NUTM1: variants seen among roughly 807,000 people sequenced by gnomAD.
The protein encoded by NUTM1 is NUT family member 1.
Under a neutral mutation model 88.7 loss-of-function variants are expected in NUTM1, and 39 were observed. The ratio of observed to expected loss-of-function variants is 0.44; its 90% CI spans 0.34 to 0.57. The LOEUF is 0.57. Among genes scored for constraint, NUTM1 ranks in the 20% least tolerant of loss-of-function variants. The probability of loss-of-function intolerance (pLI) is 0.01; values close to 1 mark genes in which losing one functional copy is unlikely to be tolerated. For missense variants in NUTM1, 1,350 were observed against 1,414.5 expected (o/e 0.95, Z 0.73); for synonymous variants, 494 against 538.0 (o/e 0.92, Z 1.13).
At position 34,348,095 on chromosome 15, in the gene NUTM1, A is replaced by C; in HGVS notation, c.227A>C (p.Gln76Pro). 1.2e-6 allele frequency: 2 copies of C among 1,614,064 alleles called. No individual in the cohort carries two copies. Among genetic ancestry groups the C allele is most frequent in the South Asian group, 2.2e-5 (2 of 91,072 alleles). The change falls in exon 3 of 8, where the codon CAG becomes CCG. Residue 76 changes from glutamine (Q) to proline (P), a missense_variant. Coordinates refer to ENST00000537011, the MANE Select transcript of NUTM1 (RefSeq NM_001284292.2). ...PDHPPREPPP[Q>P]PIMPSVFSPD... ...CACCCACCCAGGGAGCCACCTCCAC[A>C]GCCCATCATGCCTTCAGTATTCTCT...
chr15:34,354,005 C>A, intron 5 of NUTM1, 133 bp downstream of exon 5: 1 of 973,572 alleles, frequency 1.0e-6, no homozygotes. Context: ...ATTTGATATT[C>A]CAAACAGACC....
rs113369665 is a variant in NUTM1, at chr15:34,345,400, G to C, written c.7-542G>C. On this transcript the variant is annotated intron_variant, in intron 1 of 7. Coordinates refer to ENST00000537011, the MANE Select transcript of NUTM1 (RefSeq NM_001284292.2). ...AGTACAGAGCCTATGTTAGTAGATT[G>C]GACAGCTTTCCAAGGAAATGATGTG... 2.4e-3 allele frequency among the ~76,000 whole-genome samples: 369 copies of C among 152,308 alleles called. 1 individual carries two copies. Among genetic ancestry groups the C allele is most frequent in the African/African-American group, 8.3e-3 (343 of 41,558 alleles).
chr15:34,354,961 C>A, intron 6 of NUTM1, 60 bp from the exon 7 acceptor site: 1 of 1,310,338 alleles, frequency 7.6e-7, no homozygotes, highest in Non-Finnish European at 1.1e-6. Flanking sequence ...TTCTGTAAAG[C>A]CCCTTGTTTC....
Position 34,347,790 on chromosome 15 carries a change from T to C in NUTM1, c.101-179T>C, listed in dbSNP as rs113760575. On this transcript the variant is annotated intron_variant, in intron 2 of 7. Coordinates refer to ENST00000537011, the MANE Select transcript of NUTM1 (RefSeq NM_001284292.2). ...ATGGCATGAACCTAGGAGGCGGAGA[T>C]TGCAGTGAGCCGAGATTGTGCCACT... is the stretch of plus-strand genomic sequence containing the variant. Among the ~76,000 whole-genome samples the C allele has an allele frequency of 8.0e-3, 1,222 of 151,942 alleles. 19 individuals carry two copies. The highest frequency in any genetic ancestry group is 0.028 in the African/African-American group (1,152 of 41,406).
chr15:34,349,452 G>C (rs1276522291), intron 3 of NUTM1, among the ~76,000 whole-genome samples: 1 of 152,162 alleles, frequency 6.6e-6, no homozygotes. Context: ...CCATCTAGAA[G>C]AGGAAAAGAA....
chr15:34,350,186 G>A (rs1890680238), intron 3 of NUTM1, among the ~76,000 whole-genome samples: 1 of 152,180 alleles, frequency 6.6e-6, no homozygotes, highest in Non-Finnish European at 1.5e-5. Flanking sequence ...TCTAGAAGTG[G>A]GGGTCTAGTA....
Position 34,357,399 on chromosome 15 carries a change from G to A in NUTM1, c.3391G>A (p.Ala1131Thr), listed in dbSNP as rs1890839409. 6.2e-7 allele frequency: 1 copy of A among 1,614,074 alleles called. No individual in the cohort carries two copies. The highest frequency in any genetic ancestry group is 1.3e-5 in the African/African-American group (1 of 74,930). ...QLGVPREKPL[A>T]LGVVRPSQPR... is the part of the protein sequence containing the mutation. The stretch of plus-strand genomic sequence containing the variant: ...TGGGGTCCCCAGGGAGAAACCCCTA[G>A]CTCTGGGAGTAGTTCGACCCTCACA... Residue 1131 changes from alanine (A) to threonine (T), a missense_variant, in exon 8 of 8, where the codon GCT (alanine) becomes ACT (threonine). By Grantham distance (58) the Ala-to-Thr change is moderately conservative. Around this residue, in one of 5 missense-constraint regions of NUTM1, gnomAD observed 730 missense variants for 728.8 expected, o/e 1.00. Coordinates refer to ENST00000537011, the MANE Select transcript of NUTM1 (RefSeq NM_001284292.2).
intron 1 of NUTM1, among the ~76,000 whole-genome samples, chr15:34,344,438 G>A (rs1890546344): frequency 6.6e-6 from 1 of 150,884 alleles, no homozygotes; most frequent in East Asian, 2.0e-4. Context: ...AGGAGGCGGA[G>A]GTTGCAGTGA....
intron 2 of NUTM1, among the ~76,000 whole-genome samples, chr15:34,346,881 T>TAAAAAAAA (rs10671676): frequency 0.14 from 4,932 of 34,322 alleles, 2,037 homozygotes; most frequent in Non-Finnish European, 0.2. Flanking sequence ...AGACTCCATC[T>TAAAAAAAA]AAAAAAAAAA....
chr15:34,356,747 G>A lies in NUTM1; in HGVS notation c.2739G>A (p.Gly913=). ...TGCCTGAAGCCAGTCAAGAGGCAGG[G>A]AGCAGAGGCAATTCCTTTTCTCCTC... ...SSLPEASQEA[G]SRGNSFSPLL... The change falls in exon 8 of 8, where the codon GGG becomes GGA. Residue 913 remains glycine (G), a synonymous_variant. Coordinates refer to ENST00000537011, the MANE Select transcript of NUTM1 (RefSeq NM_001284292.2). The A allele has an allele frequency of 6.2e-7, 1 of 1,612,906 alleles. No homozygotes were observed. Among genetic ancestry groups the A allele is most frequent in the Non-Finnish European group, 8.5e-7 (1 of 1,179,704 alleles).
At chr15:34,350,596 G>A (rs1890686052) in intron 3 of NUTM1, 108 bp from the exon 4 acceptor site, 2 of 1,381,456 alleles carry the variant, frequency 1.4e-6, no homozygotes, top group Non-Finnish European at 9.9e-7. Flanking sequence ...GGCCCTAAGG[G>A]GCACAATAGA....
intron 1 of NUTM1, among the ~76,000 whole-genome samples, chr15:34,345,706 T>C (rs1326148996): frequency 6.6e-6 from 1 of 152,148 alleles, no homozygotes; most frequent in Non-Finnish European, 1.5e-5. Flanking sequence ...GAGAAAAAGT[T>C]TACAAATAGC....
At chr15:34,345,123 A>G (rs941875659) in intron 1 of NUTM1, among the ~76,000 whole-genome samples, 1 of 152,204 alleles carries the variant, frequency 6.6e-6, no homozygotes, top group African/African-American at 2.4e-5. Flanking sequence ...AGGAAGCAAG[A>G]AAGATGCCAT....
In NUTM1 at chr15:34,348,406, C is replaced by G; in HGVS notation, c.538C>G (p.Gln180Glu). The G allele has an allele frequency of 1.2e-6, 2 of 1,614,182 alleles. No homozygotes were observed. Among genetic ancestry groups the G allele is most frequent in the Non-Finnish European group, 1.7e-6 (2 of 1,179,996 alleles). ...GCCCTCTAAGGCTGTTGGTGTCAGC[C>G]AGGAGGGTCCTCCAGGCCTTCCGCC... ...ILPSKAVGVS[Q>E]EGPPGLPPQP... is the part of the protein sequence containing the mutation. The change falls in exon 3 of 8, where the codon CAG becomes GAG. Residue 180 changes from glutamine (Q) to glutamate (E), a missense_variant. Physicochemically the swap from Gln to Glu is conservative, Grantham distance 29 (BLOSUM62 2). This residue lies in a region of NUTM1 where 399 missense variants were observed against 397.9 expected (regional missense o/e 1.00). Transcript: ENST00000537011.
intron 3 of NUTM1, among the ~76,000 whole-genome samples, chr15:34,350,381 G>A (rs559752219): frequency 2.6e-5 from 4 of 152,204 alleles, no homozygotes; most frequent in Non-Finnish European, 4.4e-5. Flanking sequence ...TTAATAACGC[G>A]AGTCCTCCCT....
rs371580453 is a variant in NUTM1, at chr15:34,350,691, A to G, written c.810-13A>G. On this transcript the variant is annotated splice_polypyrimidine_tract_variant and intron_variant, in intron 3 of 7. Transcript: ENST00000537011. ...ACACTTTTAGAATGTGACTGACTCA[A>G]TGGGGGTTTTAGCCCAGTGCTTCGT... 7.6e-5 allele frequency: 122 copies of G among 1,609,662 alleles called. No individual in the cohort carries two copies. The highest frequency in any genetic ancestry group is 9.7e-5 in the Non-Finnish European group (114 of 1,178,998).
In NUTM1 at chr15:34,345,946, C is replaced by T. The variant is rs1257488454; in HGVS notation, c.11C>T (p.Thr4Ile). The change falls in exon 2 of 8, where the codon ACT becomes ATT. Residue 4 changes from threonine (T) to isoleucine (I), a missense_variant. Transcript: ENST00000537011. MVV[T>I]LGPGPDCLIL... ...CTGTGCACCTACTGGAGCCAGGTTA[C>T]TCTGGGTCCTGGACCTGACTGCCTC... The T allele has an allele frequency of 3.1e-6, 5 of 1,613,946 alleles. No individual in the cohort carries two copies. In the South Asian group the frequency reaches 5.5e-5, roughly 18 times the overall value.
intron 4 of NUTM1, 150 bp from the exon 5 acceptor site, chr15:34,353,586 C>A: frequency 1.3e-6 from 1 of 793,134 alleles, no homozygotes. Context: ...GATTAAGCCA[C>A]CTGTGACCAC....
At position 34,350,726 on chromosome 15, in the gene NUTM1, C is replaced by G; in HGVS notation, c.832C>G (p.Arg278Gly). 6.2e-7 allele frequency: 1 copy of G among 1,612,814 alleles called. No individual in the cohort carries two copies. Among genetic ancestry groups the G allele is most frequent in the Non-Finnish European group, 8.5e-7 (1 of 1,179,858 alleles). ...FLIPVLRSLA[R>G]LKPTMTLEEG... ...TAGCCCAGTGCTTCGTTCCCTGGCC[C>G]GGCTGAAGCCCACTATGACCCTGGA... The change falls in exon 4 of 8, where the codon CGG becomes GGG. Residue 278 changes from arginine (R) to glycine (G), a missense_variant. Physicochemically the swap from Arg to Gly is moderately radical, Grantham distance 125 (BLOSUM62 -2). Coordinates refer to ENST00000537011, the MANE Select transcript of NUTM1 (RefSeq NM_001284292.2).
Sources: gnomAD v4.1 joint callset for allele counts (sites outside exome capture counted in the v4.1 genomes callset) on GRCh38, gnomAD v4.1.1 for gene constraint, gnomAD v4.1.1 regional missense constraint, MANE v1.5 for transcripts, NCBI Gene and HGNC (gene_info 2026-07-23, HGNC 2026-07-21) for gene names.